The following CHSY3 variants were observed in gnomAD, a reference collection of about 807,000 sequenced individuals.
CHSY3 encodes chondroitin sulfate synthase 3, also known as N-acetylgalactosaminyl-proteoglycan 3-beta-glucuronosyltransferase 3.
In CHSY3, 35 loss-of-function variants were observed where a neutral mutation model predicts 67.2. The observed-to-expected ratio is 0.52, with a 90% confidence interval of 0.40 to 0.69. CHSY3 has a LOEUF of 0.69. Ranked by LOEUF, CHSY3 falls within the 30% of genes least tolerant of loss-of-function variation. CHSY3 has a pLI of 0.00. For synonymous variants in CHSY3, 474 were observed against 434.7 expected, an observed-to-expected ratio of 1.09 and a Z score of -1.12; for missense variants, 1,069 against 1,138.5, an observed-to-expected ratio of 0.94 and a Z score of 0.88.
intron 2 of CHSY3, among the ~76,000 whole-genome samples, chr5:129,949,395 C>T (rs1455654455): frequency 1.3e-5 from 2 of 151,824 alleles, no homozygotes; most frequent in African/African-American, 4.8e-5. Flanking sequence ...ATGACCAAAT[C>T]AATAATAAAT....
intron 2 of CHSY3, among the ~76,000 whole-genome samples, chr5:130,126,510 T>C (rs895846737): frequency 3.9e-5 from 6 of 152,088 alleles, no homozygotes; most frequent in African/African-American, 1.4e-4. Context: ...GATTGGCTTG[T>C]AATTTTGTTA....
At chr5:130,044,095 G>A (rs949628038) in intron 2 of CHSY3, among the ~76,000 whole-genome samples, 1 of 152,046 alleles carries the variant, frequency 6.6e-6, no homozygotes, top group Non-Finnish European at 1.5e-5. Context: ...AATATAAAAG[G>A]CATTTAAAGG....
At position 130,119,047 on chromosome 5, in the gene CHSY3, G is replaced by A. The variant is rs150988153; in HGVS notation, c.1087-65182G>A. 3.3e-5 allele frequency among the ~76,000 whole-genome samples: 5 copies of A among 152,200 alleles called. No homozygotes were observed. In the East Asian group the frequency reaches 9.7e-4, roughly 29 times the overall value. On this transcript the variant is annotated intron_variant, in intron 2 of 2. Transcript: ENST00000305031. ...ACACTGTTAATGACTTAGAGGCAAA[G>A]GATATAAACAAACACTATCCTAGGA...
intron 2 of CHSY3, among the ~76,000 whole-genome samples, chr5:130,048,909 A>C (rs1226318810): frequency 6.6e-6 from 1 of 152,018 alleles, no homozygotes; most frequent in Non-Finnish European, 1.5e-5. Flanking sequence ...TTTGTGATGC[A>C]CAACATAGCG....
intron 2 of CHSY3, among the ~76,000 whole-genome samples, chr5:129,910,979 ATT>A (rs80188117): frequency 2.3e-3 from 307 of 135,338 alleles, no homozygotes; most frequent in South Asian, 0.018. Flanking sequence ...AAATTTTAGG[ATT>A]TTTTTTTTTT....
At chr5:130,157,134 G>A (rs987829658) in intron 2 of CHSY3, among the ~76,000 whole-genome samples, 2 of 152,166 alleles carry the variant, frequency 1.3e-5, no homozygotes, top group African/African-American at 4.8e-5. Context: ...CTCTCCCATT[G>A]TTATCAATGA....
rs62393180 is a variant in CHSY3 at position 130,125,460 on chromosome 5, C to T, written c.1087-58769C>T. 4.7e-3 allele frequency among the ~76,000 whole-genome samples: 361 copies of T among 76,288 alleles called. 2 individuals are homozygous for T. The highest frequency in any genetic ancestry group is 0.021 in the African/African-American group (286 of 13,852). The allele number at this position is 76,288 out of a possible 152,430, so 50.0% of individuals were successfully genotyped here. ...ATAGATAGATAGATAGATAGACAGA[C>T]AGACAGACAGATGGATTTAATATTA... On this transcript the variant is annotated intron_variant, in intron 2 of 2. Transcript: ENST00000305031.
At chr5:130,053,813 A>C (rs1038038313) in intron 2 of CHSY3, among the ~76,000 whole-genome samples, 1 of 152,190 alleles carries the variant, frequency 6.6e-6, no homozygotes, top group Non-Finnish European at 1.5e-5. Flanking sequence ...GTATGTTTAG[A>C]TGAGCTCACT....
intron 2 of CHSY3, among the ~76,000 whole-genome samples, chr5:129,944,016 T>C (rs1402999440): frequency 6.6e-6 from 1 of 152,248 alleles, no homozygotes; most frequent in Non-Finnish European, 1.5e-5. Flanking sequence ...AGCTCTTTTA[T>C]GGTTTGTATC....
At chr5:129,993,724 T>C (rs1189349620) in intron 2 of CHSY3, among the ~76,000 whole-genome samples, 2 of 152,020 alleles carry the variant, frequency 1.3e-5, no homozygotes, top group Non-Finnish European at 2.9e-5. Context: ...AAAGTTAATA[T>C]TGTTATGTGT....
chr5:130,091,138 A>ACG (rs1554082153), intron 2 of CHSY3, among the ~76,000 whole-genome samples: 3,950 of 98,896 alleles, frequency 0.04, 137 homozygotes, highest in African/African-American at 0.13. Context: ...ACACACACGC[A>ACG]CACGCGCGCA....
chr5:129,949,157 C>T (rs781504441), intron 2 of CHSY3, among the ~76,000 whole-genome samples: 10 of 152,084 alleles, frequency 6.6e-5, no homozygotes, highest in Non-Finnish European at 1.2e-4. Context: ...TAGTACTAGA[C>T]TTAATAAATT....
chr5:130,103,922 A>G (rs1448900368), intron 2 of CHSY3, among the ~76,000 whole-genome samples: 1 of 151,938 alleles, frequency 6.6e-6, no homozygotes, highest in Non-Finnish European at 1.5e-5. Flanking sequence ...TAATTCTCCT[A>G]GTATCTTATA....
chr5:129,950,298 T>C (rs1761988901), intron 2 of CHSY3, among the ~76,000 whole-genome samples: 1 of 152,034 alleles, frequency 6.6e-6, no homozygotes, highest in African/African-American at 2.4e-5. Context: ...AAAAACCACA[T>C]ATGATAAGCC....
chr5:129,969,043 C>T (rs1762555544), intron 2 of CHSY3, among the ~76,000 whole-genome samples: 1 of 151,784 alleles, frequency 6.6e-6, no homozygotes, highest in African/African-American at 2.4e-5. Context: ...ATGGATATCA[C>T]ATTATAGTTA....
chr5:129,970,318 A>G (rs1009827310), intron 2 of CHSY3, among the ~76,000 whole-genome samples: 3 of 151,772 alleles, frequency 2.0e-5, no homozygotes, highest in Admixed American at 6.6e-5. Flanking sequence ...TAGGTACTCA[A>G]CATCTTTATT....
At position 130,072,066 on chromosome 5, in the gene CHSY3, T is replaced by G. The variant is rs534894791; in HGVS notation, c.1087-112163T>G. On this transcript the variant is annotated intron_variant, in intron 2 of 2. Coordinates refer to ENST00000305031, the MANE Select transcript of CHSY3 (RefSeq NM_175856.5). ...GGTTATTTGTTTTCATAGTATTGAGTTTTTTTGAGTTCCTTATGTATTTTT... is the reference window on the plus strand; with the variant it reads ...GGTTATTTGTTTTCATAGTATTGAGGTTTTTTGAGTTCCTTATGTATTTTT... 2.6e-5 allele frequency among the ~76,000 whole-genome samples: 4 copies of G among 152,126 alleles called. No individual in the cohort carries two copies. In the South Asian group the frequency reaches 8.3e-4, roughly 32 times the overall value.
intron 2 of CHSY3, among the ~76,000 whole-genome samples, chr5:130,134,739 T>A (rs766814042): frequency 1.3e-5 from 2 of 152,156 alleles, no homozygotes; most frequent in Non-Finnish European, 2.9e-5. Context: ...AGTGTTTAGA[T>A]GGCAAAGAAA....
chr5:129,941,573 C>T (rs1580558658), intron 2 of CHSY3, among the ~76,000 whole-genome samples: 1 of 152,132 alleles, frequency 6.6e-6, no homozygotes, highest in South Asian at 2.1e-4. Flanking sequence ...ACTATGAATA[C>T]TAGCCTATAG....
Sources: allele counts gnomAD v4.1 joint callset (sites outside exome capture counted in the v4.1 genomes callset), GRCh38; gene constraint gnomAD v4.1.1; transcripts MANE v1.5; gene names NCBI Gene and HGNC (gene_info 2026-07-23, HGNC 2026-07-21).